The following CSTPP1 variants were observed in gnomAD, a reference collection of about 807,000 sequenced individuals.
CSTPP1 encodes centriolar satellite-associated tubulin polyglutamylase complex regulator 1, also known as UPF0705 protein C11orf49.
chr11:47,088,760 G>A, the CSTPP1 span, among the ~76,000 whole-genome samples: 1 of 152,032 alleles, frequency 6.6e-6, no homozygotes, highest in Non-Finnish European at 1.5e-5. Flanking sequence ...TGTCCAGGCT[G>A]GTCTCGAACT....
chr11:47,009,458 G>A, the CSTPP1 span, among the ~76,000 whole-genome samples: 61 of 152,252 alleles, frequency 4.0e-4, 3 homozygotes, highest in African/African-American at 1.4e-3. Flanking sequence ...TATATAATGA[G>A]GATAGGGCCA....
chr11:46,972,160 A>G, the CSTPP1 span, among the ~76,000 whole-genome samples: 1 of 152,270 alleles, frequency 6.6e-6, no homozygotes, highest in African/African-American at 2.4e-5. Flanking sequence ...GTATGAATTT[A>G]GAGAAGTAGA....
chr11:47,161,402 G>A, the CSTPP1 span: 1 of 1,602,160 alleles, frequency 6.2e-7, no homozygotes. Flanking sequence ...GAGTGGGCAT[G>A]GAGGCCCTGC....
the CSTPP1 span, among the ~76,000 whole-genome samples, chr11:47,124,032 A>G: frequency 6.6e-6 from 1 of 151,498 alleles, no homozygotes; most frequent in Admixed American, 6.6e-5. Context: ...AAAGAATCCT[A>G]GAATGTTAAA....
the CSTPP1 span, among the ~76,000 whole-genome samples, chr11:46,997,686 G>T: frequency 1.3e-5 from 2 of 152,298 alleles, no homozygotes; most frequent in East Asian, 3.9e-4. Flanking sequence ...CCCCATCTTT[G>T]TGGTTTTATC....
the CSTPP1 span, among the ~76,000 whole-genome samples, chr11:46,977,068 C>G: frequency 6.6e-6 from 1 of 152,240 alleles, no homozygotes; most frequent in African/African-American, 2.4e-5. Flanking sequence ...AGTTTAGAAG[C>G]TCTTTCCCAT....
At chr11:47,100,521 G>C in the CSTPP1 span, among the ~76,000 whole-genome samples, 7 of 152,218 alleles carry the variant, frequency 4.6e-5, no homozygotes, top group Non-Finnish European at 1.0e-4. Context: ...GCCAGGTGTG[G>C]TGGCGCATGC....
chr11:46,972,263 C>G, the CSTPP1 span, among the ~76,000 whole-genome samples: 372 of 152,158 alleles, frequency 2.4e-3, 1 homozygote, highest in African/African-American at 8.2e-3. Context: ...TCCAAATTGT[C>G]CTGGAGAGTA....
chr11:47,060,455 C>T, the CSTPP1 span, among the ~76,000 whole-genome samples: 1 of 151,864 alleles, frequency 6.6e-6, no homozygotes, highest in Non-Finnish European at 1.5e-5. Context: ...CTAGGCTGGT[C>T]TCAAACTCCT....
At chr11:47,016,398 AAAAAACAAAAAAC>A in the CSTPP1 span, among the ~76,000 whole-genome samples, 2 of 139,618 alleles carry the variant, frequency 1.4e-5, no homozygotes, top group African/African-American at 3.1e-5. Flanking sequence ...TACAAAAAAC[AAAAAACAAAAAAC>A]AAAAAAAAAA....
At chr11:47,121,627 T>A in the CSTPP1 span, among the ~76,000 whole-genome samples, 2 of 152,050 alleles carry the variant, frequency 1.3e-5, no homozygotes, top group African/African-American at 4.8e-5. Context: ...AAGAAATTGA[T>A]CCCTAAGTGT....
the CSTPP1 span, among the ~76,000 whole-genome samples, chr11:47,080,764 G>A: frequency 2.0e-5 from 3 of 151,674 alleles, no homozygotes; most frequent in East Asian, 3.9e-4. Flanking sequence ...ATCCTAGCAC[G>A]TTGGGAGGCC....
the CSTPP1 span, among the ~76,000 whole-genome samples, chr11:46,973,867 A>G: frequency 6.6e-6 from 1 of 152,094 alleles, no homozygotes; most frequent in Non-Finnish European, 1.5e-5. Context: ...TCATATTTTT[A>G]TATAATGCTG....
the CSTPP1 span, among the ~76,000 whole-genome samples, chr11:47,036,100 T>A: frequency 0.016 from 201 of 12,682 alleles, 50 homozygotes; most frequent in African/African-American, 0.1. Flanking sequence ...TATTATATAT[T>A]ATATATTATA....
At chr11:47,107,379 G>A in the CSTPP1 span, among the ~76,000 whole-genome samples, 1 of 152,130 alleles carries the variant, frequency 6.6e-6, no homozygotes, top group African/African-American at 2.4e-5. Context: ...GTAGTATAAA[G>A]GTCTGTAGAA....
chr11:47,023,002 G>A, the CSTPP1 span, among the ~76,000 whole-genome samples: 3 of 152,126 alleles, frequency 2.0e-5, no homozygotes, highest in Non-Finnish European at 4.4e-5. Context: ...ATCACCTAGG[G>A]ATCTTGTTAA....
chr11:47,078,928 A>G, the CSTPP1 span, among the ~76,000 whole-genome samples: 5 of 152,172 alleles, frequency 3.3e-5, no homozygotes, highest in Non-Finnish European at 7.4e-5. Context: ...AATAAAGCCA[A>G]TCAATATGGT....
chr11:47,126,576 C>T, the CSTPP1 span, among the ~76,000 whole-genome samples: 29 of 152,212 alleles, frequency 1.9e-4, no homozygotes, highest in African/African-American at 6.5e-4. Flanking sequence ...CAGGCTGCAG[C>T]GAGCTATGAT....
At chr11:47,023,974 T>C in the CSTPP1 span, among the ~76,000 whole-genome samples, 1 of 152,210 alleles carries the variant, frequency 6.6e-6, no homozygotes, top group Non-Finnish European at 1.5e-5. Context: ...TACCCAGAAG[T>C]GGAATTACTG....
Sources: gnomAD v4.1 joint callset for allele counts (sites outside exome capture counted in the v4.1 genomes callset) on GRCh38, gnomAD v4.1.1 for gene constraint, MANE v1.5 for transcripts, NCBI Gene and HGNC (gene_info 2026-07-23, HGNC 2026-07-21) for gene names.